Variants in TCERG1L observed in about 807,000 individuals in gnomAD.
TCERG1L encodes transcription elongation regulator 1 like.
TCERG1L carries 37 observed loss-of-function variants against 56.3 expected under a neutral mutation model. That is an observed-to-expected ratio of 0.66 (90% CI 0.51 to 0.87). TCERG1L has a LOEUF of 0.87. Ranked by LOEUF, TCERG1L falls within the 40% of genes least tolerant of loss-of-function variation. TCERG1L has a pLI of 0.00. For synonymous variants in TCERG1L, 324 were observed against 326.3 expected, an observed-to-expected ratio of 0.99 and a Z score of 0.08; for missense variants, 799 against 774.2, an observed-to-expected ratio of 1.03 and a Z score of -0.38.
intron 9 of TCERG1L, among the ~76,000 whole-genome samples, chr10:131,113,530 A>G (rs1235955104): frequency 7.0e-6 from 1 of 142,312 alleles, no homozygotes; most frequent in Admixed American, 6.9e-5. Context: ...CACTCACCCC[A>G]CAGCCTCGCT....
intron 4 of TCERG1L, among the ~76,000 whole-genome samples, chr10:131,213,048 C>T (rs986589857): frequency 6.6e-6 from 1 of 152,252 alleles, no homozygotes; most frequent in Admixed American, 6.5e-5. Flanking sequence ...AGGCAGGCAG[C>T]CAAGCAAACT....
chr10:131,224,292 C>T (rs932000331), intron 4 of TCERG1L, among the ~76,000 whole-genome samples: 1 of 152,172 alleles, frequency 6.6e-6, no homozygotes, highest in Non-Finnish European at 1.5e-5. Context: ...CCTGAGGTCG[C>T]TGCACGTCCC....
intron 8 of TCERG1L, among the ~76,000 whole-genome samples, chr10:131,125,286 C>T (rs1038046062): frequency 6.6e-6 from 1 of 152,198 alleles, no homozygotes; most frequent in Non-Finnish European, 1.5e-5. Context: ...TCAGTTCTCT[C>T]CAGGCTGGGT....
intron 3 of TCERG1L, among the ~76,000 whole-genome samples, chr10:131,262,803 A>G (rs1310089393): frequency 6.6e-6 from 1 of 151,138 alleles, no homozygotes; most frequent in East Asian, 1.9e-4. Context: ...CAGCCCTAAA[A>G]CTCCCCTGGC....
intron 3 of TCERG1L, among the ~76,000 whole-genome samples, chr10:131,269,968 C>T (rs1218423985): frequency 2.6e-5 from 4 of 152,174 alleles, no homozygotes; most frequent in Non-Finnish European, 4.4e-5. Context: ...GGCAACCCCA[C>T]GTGCACATCA....
intron 7 of TCERG1L, among the ~76,000 whole-genome samples, chr10:131,139,299 C>T (rs1400700285): frequency 2.0e-5 from 3 of 152,226 alleles, no homozygotes; most frequent in African/African-American, 7.2e-5. Flanking sequence ...AACCTAGGTA[C>T]AAAGATGTTC....
Position 131,305,561 on chromosome 10 carries a change from T to C in TCERG1L, c.670+2650A>G, listed in dbSNP as rs1589779148. ...GGTTACATCATTTGAGTTCATAGTA[T>C]AAATTGCTATTATCCCTAAAACAAC... On this transcript the variant is annotated intron_variant, in intron 3 of 11. Transcript: ENST00000368642. 2.6e-5 allele frequency among the ~76,000 whole-genome samples: 4 copies of C among 152,196 alleles called. 1 individual carries two copies. In the South Asian group the frequency reaches 8.3e-4, roughly 32 times the overall value.
At chr10:131,294,923 C>T (rs1846673798) in intron 3 of TCERG1L, among the ~76,000 whole-genome samples, 1 of 151,776 alleles carries the variant, frequency 6.6e-6, no homozygotes, top group South Asian at 2.1e-4. Context: ...ACTTATGAAA[C>T]CACTGAGGCC....
chr10:131,311,215 C>A lies in TCERG1L; in HGVS notation c.342+79G>T. 8.9e-7 allele frequency: 1 copy of A among 1,122,178 alleles called. No homozygotes were observed. Among genetic ancestry groups the A allele is most frequent in the Non-Finnish European group, 1.1e-6 (1 of 901,942 alleles). The allele number at this position is 1,122,178 out of a possible 1,614,324, so 69.5% of individuals were successfully genotyped here. The stretch of plus-strand genomic sequence containing the variant: ...GGGAGGAGGGCGCGCGAGCCGGAGG[C>A]CAGAGCCGGGCCGGGCAGGGCGCGC... On this transcript the variant is annotated intron_variant, in intron 1 of 11. Coordinates refer to ENST00000368642, the MANE Select transcript of TCERG1L (RefSeq NM_174937.4). The surrounding 1 kb of genome is among the most constrained non-coding windows in gnomAD (Gnocchi z 4.0).
chr10:131,305,248 T>G (rs755866200), intron 3 of TCERG1L, among the ~76,000 whole-genome samples: 21 of 152,102 alleles, frequency 1.4e-4, no homozygotes, highest in African/African-American at 1.2e-4. Context: ...CCAACAGGCT[T>G]GTTTACAACA....
In TCERG1L at chr10:131,111,660, C is replaced by CGTGG. The variant is rs1845414741; in HGVS notation, c.1395+5138_1395+5139insCCAC. The stretch of plus-strand genomic sequence containing the variant: ...CTTTGAAATACGGTCACGATTTCCT[C>CGTGG]GCACAGCCTGACCTTCCCCTCGTCC... On this transcript the variant is annotated intron_variant, in intron 9 of 11. Coordinates refer to ENST00000368642, the MANE Select transcript of TCERG1L (RefSeq NM_174937.4). Among the ~76,000 whole-genome samples, 4 of 142,798 alleles carry CGTGG rather than the reference C, an allele frequency of 2.8e-5. 1 individual carries two copies. 93.7% of individuals were successfully genotyped at this position (142,798 alleles called of 152,430 possible).
At chr10:131,162,640 T>C (rs774864882) in intron 6 of TCERG1L, 2 of 152,926 alleles carry the variant, frequency 1.3e-5, no homozygotes, top group Non-Finnish European at 2.9e-5. Context: ...AATGACTCCA[T>C]TATAAAAGGG....
intron 3 of TCERG1L, among the ~76,000 whole-genome samples, chr10:131,294,883 T>C (rs1166263777): frequency 1.3e-5 from 2 of 152,002 alleles, no homozygotes; most frequent in Non-Finnish European, 2.9e-5. Flanking sequence ...TTACATTGTG[T>C]ACAGTCCTCT....
chr10:131,269,182 A>ATTCATTTGTTTG (rs1554898077), intron 3 of TCERG1L, among the ~76,000 whole-genome samples: 1 of 151,128 alleles, frequency 6.6e-6, no homozygotes, highest in Non-Finnish European at 1.5e-5. Context: ...TACAATTTCT[A>ATTCATTTGTTTG]TTTGTTTGTT....
In TCERG1L at chr10:131,104,386, A is replaced by G. The variant is rs990090711; in HGVS notation, c.1396-32T>C. 22 of 1,445,850 alleles carry G rather than the reference A, an allele frequency of 1.5e-5. No homozygotes were observed. The Admixed American group carries it at 1.8e-4, about 12-fold the overall frequency. The allele number at this position is 1,445,850 out of a possible 1,614,324, so 89.6% of individuals were successfully genotyped here. A position where few individuals can be genotyped will look rare whatever the true frequency, so the allele number is the denominator to read the frequency against. ...AAAGATATTCAATAGAGTTGCTGTT[A>G]GCGTCTAATGCTAAGCCTGAAGCCG... On this transcript the variant is annotated intron_variant, in intron 9 of 11. Coordinates refer to ENST00000368642, the MANE Select transcript of TCERG1L (RefSeq NM_174937.4).
chr10:131,136,739 G>A (rs1032232818), intron 7 of TCERG1L, among the ~76,000 whole-genome samples: 2 of 151,442 alleles, frequency 1.3e-5, no homozygotes, highest in Admixed American at 6.5e-5. Context: ...CAAGTGATTC[G>A]CCCCCCTCAG....
rs1273600281 is a variant in TCERG1L, at chr10:131,103,724, T to C, written c.1485+541A>G. Among the ~76,000 whole-genome samples, 1 of 152,164 alleles carries C rather than the reference T, an allele frequency of 6.6e-6. No homozygotes were observed. The highest frequency in any genetic ancestry group is 1.5e-5 in the Non-Finnish European group (1 of 68,034). ...TGAAATAAAATAAAATAAAAGGTTT[T>C]GACGGCCTTGTGTGCAAGACTGTGG... On this transcript the variant is annotated intron_variant, in intron 10 of 11. Transcript: ENST00000368642. This position sits in a 1 kb window ranked among gnomAD's most constrained non-coding sequence, Gnocchi z 4.3.
chr10:131,110,037 A>G (rs1281487956), intron 9 of TCERG1L, among the ~76,000 whole-genome samples: 1 of 152,194 alleles, frequency 6.6e-6, no homozygotes, highest in African/African-American at 2.4e-5. Flanking sequence ...GCACCGTCCC[A>G]GCCCGCAGGC....
intron 8 of TCERG1L, among the ~76,000 whole-genome samples, chr10:131,129,809 C>A (rs1384886365): frequency 5.3e-5 from 8 of 152,188 alleles, no homozygotes; most frequent in Admixed American, 5.2e-4. Flanking sequence ...AATTGACTCA[C>A]AGTTGCGCAT....
Sources: allele counts gnomAD v4.1 joint callset (sites outside exome capture counted in the v4.1 genomes callset), GRCh38; gene constraint gnomAD v4.1.1; non-coding constraint Gnocchi (gnomAD v3.1); transcripts MANE v1.5; gene names NCBI Gene and HGNC (gene_info 2026-07-23, HGNC 2026-07-21).